Variants in SENP7 observed in about 807,000 individuals in gnomAD.
The protein encoded by SENP7 is SUMO specific peptidase 7, also known as sentrin-specific protease 7.
A neutral mutation model predicts 141.2 loss-of-function variants in SENP7; 64 were observed. That is an observed-to-expected ratio of 0.45 (90% CI 0.37 to 0.56). The LOEUF is 0.56. Ranked by LOEUF, SENP7 falls within the 20% of genes least tolerant of loss-of-function variation. The probability of loss-of-function intolerance (pLI) is 0.00; values close to 1 mark genes in which losing one functional copy is unlikely to be tolerated. For missense variants in SENP7, 1,025 were observed against 1,212.2 expected (o/e 0.85, Z 2.29); for synonymous variants, 382 against 426.4 (o/e 0.90, Z 1.28).
chr3:101,336,487 C>A (rs2107152499), intron 17 of SENP7, among the ~76,000 whole-genome samples: 1 of 152,282 alleles, frequency 6.6e-6, no homozygotes, highest in South Asian at 2.1e-4. Context: ...AGCTGTTCAT[C>A]TTAAGTAAAA....
chr3:101,477,499 T>TAAA (rs60916302), intron 3 of SENP7, among the ~76,000 whole-genome samples: 7 of 151,360 alleles, frequency 4.6e-5, no homozygotes, highest in Admixed American at 3.9e-4. Flanking sequence ...AGATTTTAAG[T>TAAA]AAAAAAAACC....
At chr3:101,436,332 CTG>C (rs2062386358) in intron 4 of SENP7, among the ~76,000 whole-genome samples, 1 of 152,074 alleles carries the variant, frequency 6.6e-6, no homozygotes, top group African/African-American at 2.4e-5. Flanking sequence ...CAAGAAAACA[CTG>C]GGGAAAATCT....
chr3:101,477,559 ATTAG>A (rs1279153618), intron 3 of SENP7, among the ~76,000 whole-genome samples: 1 of 152,150 alleles, frequency 6.6e-6, no homozygotes, highest in African/African-American at 2.4e-5. Flanking sequence ...CCAAAACAAA[ATTAG>A]TAAATGGCCG....
chr3:101,337,839 T>C (rs2059226772), intron 16 of SENP7, among the ~76,000 whole-genome samples: 1 of 152,182 alleles, frequency 6.6e-6, no homozygotes, highest in South Asian at 2.1e-4. Flanking sequence ...TTCATTCATT[T>C]ACTTAACAAA....
At chr3:101,441,188 G>C (rs562056356) in intron 4 of SENP7, among the ~76,000 whole-genome samples, 1 of 152,140 alleles carries the variant, frequency 6.6e-6, no homozygotes, top group Non-Finnish European at 1.5e-5. Context: ...CTGAGGACAA[G>C]CCCATGCCCA....
intron 6 of SENP7, among the ~76,000 whole-genome samples, chr3:101,382,283 C>A (rs1206511110): frequency 6.6e-6 from 1 of 152,100 alleles, no homozygotes; most frequent in Non-Finnish European, 1.5e-5. Context: ...CTCAAGCAAC[C>A]TTCCAGCTTC....
chr3:101,487,527 C>A lies in SENP7; in HGVS notation c.186+6346G>T, dbSNP rs1350726949. ...GCTTTTGGGGAATTAGCCAAAAATT[C>A]TTTGCCAAGGCTGATAACAAGAAGG... is the stretch of plus-strand genomic sequence containing the variant. On this transcript the variant is annotated intron_variant, in intron 3 of 23. Coordinates refer to ENST00000394095, the MANE Select transcript of SENP7 (RefSeq NM_020654.5). 7.2e-5 allele frequency among the ~76,000 whole-genome samples: 11 copies of A among 152,194 alleles called. No homozygotes were observed. The Middle Eastern group carries it at 0.01, about 141-fold the overall frequency.
At chr3:101,372,273 ACTC>A in intron 6 of SENP7, 147 bp from the exon 7 acceptor site, 1 of 415,536 alleles carries the variant, frequency 2.4e-6, no homozygotes, top group Non-Finnish European at 4.3e-6. Flanking sequence ...AAAATATTGA[ACTC>A]AGATTTAAGA....
At chr3:101,416,828 A>T (rs2061637889) in intron 5 of SENP7, among the ~76,000 whole-genome samples, 1 of 152,206 alleles carries the variant, frequency 6.6e-6, no homozygotes, top group Non-Finnish European at 1.5e-5. Context: ...ATATACTGTC[A>T]TTCAGATTAC....
chr3:101,343,650 C>T lies in SENP7; in HGVS notation c.2106+36G>A, dbSNP rs779578606. 2.6e-6 allele frequency: 4 copies of T among 1,562,812 alleles called. No individual in the cohort carries two copies. In the East Asian group the frequency reaches 6.8e-5, roughly 26 times the overall value. On this transcript the variant is annotated intron_variant, in intron 14 of 23. Transcript: ENST00000394095. ...AATGAATAAATGTTTTCTGAACCTC[C>T]CCCTTCTCTGCCAATTATATTAATG...
At chr3:101,350,653 T>C (rs1308272641) in intron 12 of SENP7, among the ~76,000 whole-genome samples, 2 of 152,076 alleles carry the variant, frequency 1.3e-5, no homozygotes, top group Admixed American at 6.6e-5. Context: ...TCGTTTTTGA[T>C]GTTTGTATCG....
intron 11 of SENP7, among the ~76,000 whole-genome samples, chr3:101,356,342 A>G (rs1037619866): frequency 1.3e-5 from 2 of 152,210 alleles, no homozygotes; most frequent in Non-Finnish European, 2.9e-5. Flanking sequence ...ATGCAGCAAC[A>G]ATTGATCATA....
intron 11 of SENP7, among the ~76,000 whole-genome samples, chr3:101,356,166 T>C (rs954499042): frequency 6.6e-6 from 1 of 152,192 alleles, no homozygotes; most frequent in Non-Finnish European, 1.5e-5. Flanking sequence ...TGTTGAAAAG[T>C]ATTACTCTGA....
intron 1 of SENP7, 57 bp downstream of exon 1, chr3:101,513,034 T>G: frequency 6.3e-7 from 1 of 1,580,694 alleles, no homozygotes; most frequent in East Asian, 2.2e-5. Context: ...CGCCTGCGCC[T>G]CCCGTTTCCC....
intron 6 of SENP7, among the ~76,000 whole-genome samples, chr3:101,385,839 C>A (rs575027827): frequency 6.6e-5 from 10 of 152,256 alleles, no homozygotes; most frequent in Middle Eastern, 3.4e-3. Context: ...ACTGTAAAAA[C>A]TAAAAAAGGT....
intron 1 of SENP7, among the ~76,000 whole-genome samples, chr3:101,506,206 G>A (rs1207559402): frequency 1.3e-5 from 2 of 151,798 alleles, no homozygotes; most frequent in African/African-American, 4.8e-5. Flanking sequence ...GTTTAGTAGA[G>A]AGAGAGTTTC....
chr3:101,480,575 G>A (rs1357642425), intron 3 of SENP7, among the ~76,000 whole-genome samples: 1 of 151,876 alleles, frequency 6.6e-6, no homozygotes, highest in South Asian at 2.1e-4. Context: ...CTACTAAAAG[G>A]AAACACCTCA....
intron 6 of SENP7, among the ~76,000 whole-genome samples, chr3:101,379,936 C>G (rs1278444010): frequency 2.6e-5 from 4 of 152,120 alleles, no homozygotes; most frequent in African/African-American, 4.8e-5. Flanking sequence ...TATCTATCAA[C>G]AGATGAATAG....
intron 3 of SENP7, among the ~76,000 whole-genome samples, chr3:101,468,525 T>C (rs933045487): frequency 2.6e-5 from 4 of 152,178 alleles, no homozygotes; most frequent in African/African-American, 9.7e-5. Context: ...AGAAACCCTA[T>C]AAGCCAGAAG....
Sources: gnomAD v4.1 joint callset for allele counts (sites outside exome capture counted in the v4.1 genomes callset) on GRCh38, gnomAD v4.1.1 for gene constraint, MANE v1.5 for transcripts, NCBI Gene and HGNC (gene_info 2026-07-23, HGNC 2026-07-21) for gene names.